Variants in FGF12 observed in about 807,000 individuals in gnomAD.
FGF12 encodes the protein fibroblast growth factor 12B.
FGF12 carries 14 observed loss-of-function variants against 23.6 expected under a neutral mutation model. The observed-to-expected ratio is 0.59, with a 90% CI of 0.39 to 0.93. The LOEUF (loss-of-function observed/expected upper bound fraction) is 0.93. FGF12 is among the 40% of genes least tolerant of loss of function. The probability of loss-of-function intolerance (pLI) is 0.00; values close to 1 mark genes in which losing one functional copy is unlikely to be tolerated. For synonymous variants in FGF12, 62 were observed against 77.3 expected (o/e 0.80, Z 1.04); for missense variants, 175 against 217.8 (o/e 0.80, Z 1.24).
Position 192,291,639 on chromosome 3 carries a change from A to G in FGF12, c.228+43722T>C, listed in dbSNP as rs115019991. Among the ~76,000 whole-genome samples, 1,244 of 152,260 alleles carry G rather than the reference A, an allele frequency of 8.2e-3. 17 individuals are homozygous for G. Among genetic ancestry groups the G allele is most frequent in the African/African-American group, 0.029 (1,186 of 41,548 alleles). ...AGAGGTTTGTTCCAGAATATCACCCAAAAATATTCCTCAAATGAATACTCT... is the reference window on the plus strand; with the variant it reads ...AGAGGTTTGTTCCAGAATATCACCCGAAAATATTCCTCAAATGAATACTCT... On this transcript the variant is annotated intron_variant, in intron 4 of 5. Transcript: ENST00000445105.
intron 4 of FGF12, among the ~76,000 whole-genome samples, chr3:192,208,573 A>G (rs990428834): frequency 1.3e-5 from 2 of 152,190 alleles, no homozygotes; most frequent in African/African-American, 4.8e-5. Flanking sequence ...AACTATTTTA[A>G]TCTCATTATA....
chr3:192,183,417 C>T (rs956968192), intron 4 of FGF12, among the ~76,000 whole-genome samples: 5 of 152,040 alleles, frequency 3.3e-5, no homozygotes, highest in Non-Finnish European at 7.4e-5. Context: ...ACTGAAAAGC[C>T]GGGGCTGTGT....
intron 2 of FGF12, among the ~76,000 whole-genome samples, chr3:192,636,056 G>A (rs1445636011): frequency 1.3e-5 from 2 of 152,118 alleles, no homozygotes; most frequent in African/African-American, 4.8e-5. Context: ...ACTGAGACAG[G>A]GAGCTGGAGG....
chr3:192,508,266 T>C (rs1444232175), intron 2 of FGF12, among the ~76,000 whole-genome samples: 1 of 152,194 alleles, frequency 6.6e-6, no homozygotes, highest in Non-Finnish European at 1.5e-5. Context: ...AGTCACAGTA[T>C]CTTTCTGATT....
At chr3:192,508,466 A>C (rs1241575815) in intron 2 of FGF12, among the ~76,000 whole-genome samples, 2 of 152,248 alleles carry the variant, frequency 1.3e-5, no homozygotes, top group Non-Finnish European at 2.9e-5. Context: ...CAGATCTATA[A>C]GTACTCGCTG....
At chr3:192,656,001 CAT>C (rs1182220793) in intron 2 of FGF12, among the ~76,000 whole-genome samples, 1,700 of 133,532 alleles carry the variant, frequency 0.013, 14 homozygotes, top group Admixed American at 0.022. Context: ...AGAAACGTTA[CAT>C]GCCAGAAAAG....
intron 2 of FGF12, among the ~76,000 whole-genome samples, chr3:192,654,301 C>T (rs1428775528): frequency 6.6e-6 from 1 of 152,092 alleles, no homozygotes; most frequent in Non-Finnish European, 1.5e-5. Flanking sequence ...TACATAGTTG[C>T]AGTGTCACAC....
chr3:192,358,324 T>A (rs1718567056), intron 3 of FGF12, among the ~76,000 whole-genome samples: 1 of 151,846 alleles, frequency 6.6e-6, no homozygotes, highest in Admixed American at 6.6e-5. Flanking sequence ...TTAATCTATA[T>A]ATTTTGTACA....
chr3:192,300,510 G>A (rs1715280940), intron 4 of FGF12, among the ~76,000 whole-genome samples: 1 of 152,032 alleles, frequency 6.6e-6, no homozygotes, highest in Non-Finnish European at 1.5e-5. Flanking sequence ...GGGAAGCATG[G>A]TAGGTGCCAA....
chr3:192,154,822 T>G (rs1474632602), intron 5 of FGF12, among the ~76,000 whole-genome samples: 1 of 146,768 alleles, frequency 6.8e-6, no homozygotes, highest in Admixed American at 6.8e-5. Flanking sequence ...CAGGCCTCCT[T>G]GAGCTGTGGT....
chr3:192,202,292 C>T (rs771757244), intron 4 of FGF12, among the ~76,000 whole-genome samples: 1 of 152,132 alleles, frequency 6.6e-6, no homozygotes, highest in African/African-American at 2.4e-5. Flanking sequence ...CTAATGAAAG[C>T]ATTAGAGGAA....
intron 2 of FGF12, among the ~76,000 whole-genome samples, chr3:192,655,616 A>G (rs1309615813): frequency 6.6e-6 from 1 of 152,228 alleles, no homozygotes; most frequent in Non-Finnish European, 1.5e-5. Context: ...CCATTTAATC[A>G]TAACTGATGA....
chr3:192,694,789 C>T (rs760911442), intron 2 of FGF12, among the ~76,000 whole-genome samples: 1 of 151,974 alleles, frequency 6.6e-6, no homozygotes, highest in Non-Finnish European at 1.5e-5. Flanking sequence ...GAGAGGCATA[C>T]ACTGTATCAC....
At chr3:192,214,723 CA>C (rs921423470) in intron 4 of FGF12, among the ~76,000 whole-genome samples, 36 of 152,300 alleles carry the variant, frequency 2.4e-4, no homozygotes, top group Middle Eastern at 3.4e-3. Context: ...ATTGTTAGTC[CA>C]AGGCCAACAG....
At chr3:192,687,302 T>A (rs1375171410) in intron 2 of FGF12, among the ~76,000 whole-genome samples, 1 of 151,634 alleles carries the variant, frequency 6.6e-6, no homozygotes, top group African/African-American at 2.4e-5. Flanking sequence ...GTGACTTGCC[T>A]GGGGATCTGA....
Position 192,176,337 on chromosome 3 carries a change from T to G in FGF12, c.229-5681A>C, listed in dbSNP as rs192667677. 9.2e-5 allele frequency among the ~76,000 whole-genome samples: 14 copies of G among 152,348 alleles called. No individual in the cohort carries two copies. In the East Asian group the frequency reaches 2.5e-3, roughly 27 times the overall value. On this transcript the variant is annotated intron_variant, in intron 4 of 5. Coordinates refer to ENST00000445105, the MANE Select transcript of FGF12 (RefSeq NM_004113.6). ...TTCTCATAGCATTTGATATTTCTTT[T>G]AGTATTTAATGTGTTCTGTCTTGAA...
At chr3:192,334,874 A>G (rs571239795) in intron 4 of FGF12, among the ~76,000 whole-genome samples, 192 of 152,304 alleles carry the variant, frequency 1.3e-3, no homozygotes, top group African/African-American at 4.4e-3. Flanking sequence ...AATTAAAGTT[A>G]TTCTGAGAAT....
intron 2 of FGF12, among the ~76,000 whole-genome samples, chr3:192,468,213 T>C (rs940748707): frequency 3.3e-5 from 5 of 152,208 alleles, no homozygotes; most frequent in African/African-American, 1.2e-4. Flanking sequence ...ATCCTTAATC[T>C]AGCTCCCCTT....
At chr3:192,160,734 G>A (rs1038592840) in intron 5 of FGF12, among the ~76,000 whole-genome samples, 4 of 152,098 alleles carry the variant, frequency 2.6e-5, no homozygotes, top group African/African-American at 9.7e-5. Flanking sequence ...TCATAGTTAT[G>A]TTCCAAATGA....
Sources: gnomAD v4.1 joint callset for allele counts (sites outside exome capture counted in the v4.1 genomes callset) on GRCh38, gnomAD v4.1.1 for gene constraint, MANE v1.5 for transcripts, NCBI Gene and HGNC (gene_info 2026-07-23, HGNC 2026-07-21) for gene names.